Variants in PGAP4 observed in about 807,000 individuals in gnomAD.
The protein encoded by PGAP4 is post-GPI attachment to proteins GalNAc transferase 4, also known as GPI-N-acetylgalactosamine transferase PGAP4.
In PGAP4, 12 loss-of-function variants were observed where a neutral mutation model predicts 28.2. The ratio of observed to expected loss-of-function variants is 0.42; its 90% confidence interval spans 0.27 to 0.69. The LOEUF (loss-of-function observed/expected upper bound fraction) is 0.69, where lower values mean the gene tolerates loss of function less well. Among genes scored for constraint, PGAP4 ranks in the 30% least tolerant of loss-of-function variants. PGAP4 has a pLI of 0.22. For synonymous variants in PGAP4, 205 were observed against 211.8 expected, an observed-to-expected ratio of 0.97 and a Z score of 0.28; for missense variants, 425 against 513.5, an observed-to-expected ratio of 0.83 and a Z score of 1.67.
exon 1 of PGAP4, chr9:101,533,310 C>CCAGGCCAA (rs1424181312): frequency 1.3e-5 from 2 of 152,162 alleles, no homozygotes; most frequent in African/African-American, 4.8e-5. Context: ...AAGCTTTTGT[C>CCAGGCCAA]CAGGCCAAGT....
At chr9:101,493,217 G>A (rs62575812) in intron 2 of PGAP4, among the ~76,000 whole-genome samples, 13,070 of 147,400 alleles carry the variant, frequency 0.089, 629 homozygotes, top group Middle Eastern at 0.14. Context: ...TTGTGCCACC[G>A]CACTCCAGCC....
intron 2 of PGAP4, among the ~76,000 whole-genome samples, chr9:101,528,294 G>A (rs1827053735): frequency 6.6e-6 from 1 of 152,144 alleles, no homozygotes; most frequent in Non-Finnish European, 1.5e-5. Context: ...TTGCTTGTAT[G>A]GGGAGGGGTC....
chr9:101,510,193 AC>A (rs904703100), intron 2 of PGAP4, among the ~76,000 whole-genome samples: 1 of 152,114 alleles, frequency 6.6e-6, no homozygotes, highest in African/African-American at 2.4e-5. Context: ...AACACATGCC[AC>A]CTTTTGAACT....
upstream of PGAP4, among the ~76,000 whole-genome samples, chr9:101,491,832 T>C (rs1373177406): frequency 1.5e-5 from 2 of 129,504 alleles, no homozygotes; most frequent in African/African-American, 2.9e-5. Flanking sequence ...TATATATATA[T>C]ATATATATAT....
intron 2 of PGAP4, among the ~76,000 whole-genome samples, chr9:101,509,008 T>C (rs1826873723): frequency 6.6e-6 from 1 of 152,198 alleles, no homozygotes; most frequent in Non-Finnish European, 1.5e-5. Context: ...ACAGTTAGGA[T>C]TTGAAGTTGT....
chr9:101,478,675 A>C (rs1162010461), intron 1 of PGAP4, among the ~76,000 whole-genome samples: 3 of 152,224 alleles, frequency 2.0e-5, no homozygotes, highest in Non-Finnish European at 2.9e-5. Context: ...CCCATCTGCC[A>C]GCTGAATGGA....
At chr9:101,483,225 T>C (rs1826535621) in intron 1 of PGAP4, among the ~76,000 whole-genome samples, 1 of 152,232 alleles carries the variant, frequency 6.6e-6, no homozygotes, top group African/African-American at 2.4e-5. Context: ...AATTGGCTTC[T>C]TTTGACCTCT....
At position 101,510,642 on chromosome 9, in the gene PGAP4, T is replaced by C. The variant is rs1009979984; in HGVS notation, c.-165+20706A>G. On this transcript the variant is annotated intron_variant, in intron 2 of 3. Coordinates refer to the PGAP4 transcript ENST00000374851. ...TCTTCTGCTGTTTCATAATTGGGTA[T>C]TTTCCCTTTTTCAAAGAAGCTCTCC... is the stretch of plus-strand genomic sequence containing the variant. 3.3e-5 allele frequency among the ~76,000 whole-genome samples: 5 copies of C among 152,150 alleles called. 1 individual carries two copies. The highest frequency in any genetic ancestry group is 7.4e-5 in the Non-Finnish European group (5 of 68,016).
chr9:101,526,981 C>G (rs1002631331), intron 2 of PGAP4, among the ~76,000 whole-genome samples: 2 of 152,210 alleles, frequency 1.3e-5, no homozygotes, highest in African/African-American at 4.8e-5. Context: ...TCATGTGTCT[C>G]CTGTTTTATA....
chr9:101,477,459 A>C (rs1271284442), intron 1 of PGAP4, among the ~76,000 whole-genome samples: 1 of 152,186 alleles, frequency 6.6e-6, no homozygotes, highest in Non-Finnish European at 1.5e-5. Flanking sequence ...TTACAATGCC[A>C]GAAAATCTCC....
intron 2 of PGAP4, among the ~76,000 whole-genome samples, chr9:101,511,495 T>C (rs1206111637): frequency 6.6e-6 from 1 of 152,196 alleles, no homozygotes; most frequent in Non-Finnish European, 1.5e-5. Flanking sequence ...AAGAATATTG[T>C]CAATGAGTGG....
chr9:101,484,226 A>T (rs1321119032), intron 1 of PGAP4, among the ~76,000 whole-genome samples: 1 of 152,030 alleles, frequency 6.6e-6, no homozygotes, highest in East Asian at 1.9e-4. Context: ...GAGAAAGGGA[A>T]GAAAGGAAGG....
chr9:101,482,162 C>T (rs1428040219), intron 1 of PGAP4, among the ~76,000 whole-genome samples: 1 of 152,226 alleles, frequency 6.6e-6, no homozygotes, highest in African/African-American at 2.4e-5. Context: ...ATAAAAGATA[C>T]TTCAACCAGG....
At chr9:101,513,559 C>T (rs1826916502) in intron 2 of PGAP4, among the ~76,000 whole-genome samples, 1 of 152,158 alleles carries the variant, frequency 6.6e-6, no homozygotes. Flanking sequence ...TACAATGCCA[C>T]TCTATTGATT....
At chr9:101,531,636 A>G (rs1827091358) in intron 1 of PGAP4, 1 of 152,218 alleles carries the variant, frequency 6.6e-6, no homozygotes, top group African/African-American at 2.4e-5. Flanking sequence ...GCTGACTAGG[A>G]CTTTGGCTTG....
chr9:101,520,492 T>G (rs2118626475), intron 2 of PGAP4, among the ~76,000 whole-genome samples: 1 of 152,338 alleles, frequency 6.6e-6, no homozygotes, highest in South Asian at 2.1e-4. Context: ...GTAAAAGTGG[T>G]TGAGTCCTTG....
chr9:101,515,348 C>T (rs1208222244), intron 2 of PGAP4, among the ~76,000 whole-genome samples: 1 of 152,116 alleles, frequency 6.6e-6, no homozygotes, highest in Admixed American at 6.6e-5. Flanking sequence ...CTTGTGATTA[C>T]ATTTAGTGCC....
chr9:101,502,091 G>A (rs1053578128), intron 2 of PGAP4, among the ~76,000 whole-genome samples: 10 of 152,032 alleles, frequency 6.6e-5, no homozygotes, highest in African/African-American at 2.4e-4. Context: ...ACACATCTCA[G>A]GGTAGGTCAT....
intron 1 of PGAP4, among the ~76,000 whole-genome samples, chr9:101,484,855 C>G (rs955704936): frequency 4.8e-5 from 7 of 146,858 alleles, no homozygotes; most frequent in Admixed American, 4.0e-4. Context: ...GAAAAATGTA[C>G]AGAGATATGA....
Sources: gnomAD v4.1 joint callset for allele counts (sites outside exome capture counted in the v4.1 genomes callset) on GRCh38, gnomAD v4.1.1 for gene constraint, MANE v1.5 for transcripts, NCBI Gene and HGNC (gene_info 2026-07-23, HGNC 2026-07-21) for gene names.